The following PCMTD1 variants were observed in gnomAD, a reference collection of about 807,000 sequenced individuals.
PCMTD1 encodes protein-L-isoaspartate O-methyltransferase domain-containing protein 1.
A neutral mutation model predicts 37.6 loss-of-function variants in PCMTD1; 12 were observed. That is an observed-to-expected ratio of 0.32 (90% confidence interval 0.20 to 0.52). PCMTD1 has a LOEUF of 0.52. PCMTD1 is among the 20% of genes least tolerant of loss of function. PCMTD1 has a pLI of 0.97. For synonymous variants in PCMTD1, 117 were observed against 135.8 expected (o/e 0.86, Z 0.96); for missense variants, 235 against 421.3 (o/e 0.56, Z 3.87).
chr8:51,840,214 A>C (rs1424777677), intron 3 of PCMTD1, among the ~76,000 whole-genome samples: 1 of 152,156 alleles, frequency 6.6e-6, no homozygotes, highest in African/African-American at 2.4e-5. Flanking sequence ...ACAATCTCCA[A>C]ACAGTTTACA....
intron 1 of PCMTD1, among the ~76,000 whole-genome samples, chr8:51,879,824 T>G (rs559631453): frequency 6.6e-6 from 1 of 152,084 alleles, no homozygotes; most frequent in Non-Finnish European, 1.5e-5. Flanking sequence ...TTGCAACATG[T>G]GGCAAAGGGT....
intron 2 of PCMTD1, among the ~76,000 whole-genome samples, chr8:51,853,231 T>C (rs11781330): frequency 0.12 from 17,875 of 152,182 alleles, 1,285 homozygotes; most frequent in East Asian, 0.17. Flanking sequence ...GGACTGACCC[T>C]GCAAGAGCCA....
intron 1 of PCMTD1, among the ~76,000 whole-genome samples, chr8:51,895,770 C>A (rs6473662): frequency 0.98 from 149,472 of 152,238 alleles, 73,433 homozygotes; most frequent in East Asian, 1. Flanking sequence ...TCCAATGTTA[C>A]GTTGACCGAG....
intron 2 of PCMTD1, among the ~76,000 whole-genome samples, chr8:51,853,178 A>T (rs1332128957): frequency 6.6e-6 from 1 of 152,256 alleles, no homozygotes; most frequent in Admixed American, 6.5e-5. Context: ...AGAGATGTGA[A>T]ATCCAAGGAA....
At chr8:51,836,508 T>C (rs1252476647) in intron 3 of PCMTD1, among the ~76,000 whole-genome samples, 1 of 152,200 alleles carries the variant, frequency 6.6e-6, no homozygotes, top group African/African-American at 2.4e-5. Context: ...TGTCTTTGAA[T>C]ATTTCTTCTG....
chr8:51,823,099 G>A (rs1185640393), intron 5 of PCMTD1, among the ~76,000 whole-genome samples: 1 of 152,190 alleles, frequency 6.6e-6, no homozygotes, highest in African/African-American at 2.4e-5. Flanking sequence ...CATGGAAAAA[G>A]ATTCAGACTT....
rs552498571 is a variant in PCMTD1, at chr8:51,828,942, T to C, written c.706+2502A>G. Among the ~76,000 whole-genome samples, 7 of 152,338 alleles carry C rather than the reference T, an allele frequency of 4.6e-5. 1 individual carries two copies. The highest frequency in any genetic ancestry group is 1.7e-4 in the African/African-American group (7 of 41,578). On this transcript the variant is annotated intron_variant, in intron 5 of 5. Transcript: ENST00000522514. ...CAGTCTCCCTTATGATAATCCTTTGTTTTTTATCATTCTTATTTTACCTTT... is the reference window on the plus strand; with the variant it reads ...CAGTCTCCCTTATGATAATCCTTTGCTTTTTATCATTCTTATTTTACCTTT...
At chr8:51,895,094 T>A (rs2038981939) in intron 1 of PCMTD1, among the ~76,000 whole-genome samples, 1 of 152,170 alleles carries the variant, frequency 6.6e-6, no homozygotes, top group Non-Finnish European at 1.5e-5. Flanking sequence ...ACCACGGATC[T>A]GTGTGGGATT....
chr8:51,877,812 T>TTA (rs1183420470), intron 1 of PCMTD1, among the ~76,000 whole-genome samples: 1 of 152,104 alleles, frequency 6.6e-6, no homozygotes, highest in East Asian at 1.9e-4. Flanking sequence ...TGAATACAGG[T>TTA]TATATATAAA....
chr8:51,846,623 G>C (rs1241854741), intron 2 of PCMTD1, among the ~76,000 whole-genome samples: 1 of 151,976 alleles, frequency 6.6e-6, no homozygotes, highest in East Asian at 1.9e-4. Flanking sequence ...GGTCCTGGAA[G>C]GTGTCTTATT....
At chr8:51,878,730 T>TA (rs1387423178) in intron 1 of PCMTD1, among the ~76,000 whole-genome samples, 1 of 152,090 alleles carries the variant, frequency 6.6e-6, no homozygotes, top group African/African-American at 2.4e-5. Context: ...GCCTGGATGA[T>TA]AGAGTGAAAC....
At chr8:51,861,392 A>G (rs1049987501) in intron 1 of PCMTD1, 146 bp from the exon 2 acceptor site, 10 of 543,432 alleles carry the variant, frequency 1.8e-5, no homozygotes, top group East Asian at 1.8e-4. Context: ...CTTCTTAACT[A>G]TATTATTTTA....
chr8:51,823,564 A>C (rs1563334036), intron 5 of PCMTD1, among the ~76,000 whole-genome samples: 1 of 152,214 alleles, frequency 6.6e-6, no homozygotes, highest in Admixed American at 6.5e-5. Flanking sequence ...CTATTCCTTA[A>C]CGGTCTCATT....
At chr8:51,854,067 T>A (rs2038347326) in intron 2 of PCMTD1, among the ~76,000 whole-genome samples, 1 of 152,158 alleles carries the variant, frequency 6.6e-6, no homozygotes, top group South Asian at 2.1e-4. Flanking sequence ...TGGGAAACAG[T>A]TAATCACAAA....
chr8:51,880,434 C>G (rs1272342963), intron 1 of PCMTD1, among the ~76,000 whole-genome samples: 1 of 152,106 alleles, frequency 6.6e-6, no homozygotes, highest in African/African-American at 2.4e-5. Flanking sequence ...ACTATGTTTT[C>G]TTACATATTA....
chr8:51,890,674 C>T (rs1390751853), intron 1 of PCMTD1, among the ~76,000 whole-genome samples: 3 of 152,150 alleles, frequency 2.0e-5, no homozygotes, highest in Non-Finnish European at 2.9e-5. Context: ...AGAGAAGCAC[C>T]GACTGATCCA....
intron 1 of PCMTD1, among the ~76,000 whole-genome samples, chr8:51,887,233 A>G (rs2038876859): frequency 6.6e-6 from 1 of 152,162 alleles, no homozygotes; most frequent in Non-Finnish European, 1.5e-5. Flanking sequence ...GGATTAGAAC[A>G]TGGACCTCTT....
chr8:51,890,118 T>C (rs1271592034), intron 1 of PCMTD1, among the ~76,000 whole-genome samples: 2 of 152,000 alleles, frequency 1.3e-5, no homozygotes, highest in Admixed American at 1.3e-4. Flanking sequence ...ACTGCATGAA[T>C]GGTTATATTC....
intron 1 of PCMTD1, among the ~76,000 whole-genome samples, chr8:51,866,177 A>G (rs2038552487): frequency 6.6e-6 from 1 of 152,040 alleles, no homozygotes; most frequent in Non-Finnish European, 1.5e-5. Flanking sequence ...ATAAATGGAA[A>G]GGTATTCCAT....
Sources: gnomAD v4.1 joint callset for allele counts (sites outside exome capture counted in the v4.1 genomes callset) on GRCh38, gnomAD v4.1.1 for gene constraint, MANE v1.5 for transcripts, NCBI Gene and HGNC (gene_info 2026-07-23, HGNC 2026-07-21) for gene names.